Variants in EXOC6 observed in about 807,000 individuals in gnomAD.
EXOC6 encodes exocyst complex component 6.
A neutral mutation model predicts 112.5 loss-of-function variants in EXOC6; 60 were observed. That is an observed-to-expected ratio of 0.53 (90% confidence interval 0.43 to 0.66). The LOEUF is 0.66. EXOC6 is among the 30% of genes least tolerant of loss of function. The pLI, the probability that EXOC6 is intolerant of heterozygous loss-of-function variation, is 0.00. For synonymous variants in EXOC6, 295 were observed against 308.0 expected (o/e 0.96, Z 0.44); for missense variants, 855 against 957.1 (o/e 0.89, Z 1.41).
chr10:92,829,362 T>A (rs1474199046), intron 1 of EXOC6, among the ~76,000 whole-genome samples: 1 of 152,076 alleles, frequency 6.6e-6, no homozygotes, highest in Non-Finnish European at 1.5e-5. Context: ...CGGGCGCCCC[T>A]CTCTCTCTCA....
chr10:93,057,031 G>A lies in EXOC6; in HGVS notation c.2277G>A (p.Leu759=), dbSNP rs1846574455. ...RVNPNTALTL[L]EKMKDTSKKN... ...ATCCAAACACAGCCCTTACTCTTTT[G>A]GAGAAGTGAGTATATTCTGAAACTT... The change falls in exon 21 of 22, where the codon TTG becomes TTA. Residue 759 remains leucine (L), a synonymous_variant. Coordinates refer to ENST00000260762, the MANE Select transcript of EXOC6 (RefSeq NM_019053.6). 2.0e-6 allele frequency: 3 copies of A among 1,534,758 alleles called. No individual in the cohort carries two copies. The Admixed American group carries it at 6.6e-5, about 34-fold the overall frequency.
At chr10:92,999,446 A>AGTT (rs1449767909) in intron 19 of EXOC6, 2 of 300,738 alleles carry the variant, frequency 6.7e-6, no homozygotes, top group African/African-American at 2.3e-5. Flanking sequence ...TTTCTTTAAA[A>AGTT]GTTGTCTTAT....
chr10:92,908,988 A>T (rs745661155), intron 5 of EXOC6, among the ~76,000 whole-genome samples: 3 of 152,056 alleles, frequency 2.0e-5, no homozygotes, highest in Non-Finnish European at 4.4e-5. Flanking sequence ...AAGTTAAATA[A>T]ATTTTATTTT....
chr10:92,875,037 T>C (rs1004671384), intron 1 of EXOC6, among the ~76,000 whole-genome samples: 1 of 151,866 alleles, frequency 6.6e-6, no homozygotes, highest in African/African-American at 2.4e-5. Context: ...GTAGGTATTA[T>C]AGCTGTGTTT....
At chr10:93,049,283 G>A (rs147027682) in intron 20 of EXOC6, among the ~76,000 whole-genome samples, 100 of 152,022 alleles carry the variant, frequency 6.6e-4, no homozygotes, top group Admixed American at 1.2e-3. Context: ...GGATGGTCTC[G>A]ATCTCCTGTC....
intron 17 of EXOC6, among the ~76,000 whole-genome samples, chr10:92,973,097 CT>C (rs1842363552): frequency 6.6e-6 from 1 of 152,166 alleles, no homozygotes; most frequent in Non-Finnish European, 1.5e-5. Context: ...GGGGAAAAGG[CT>C]TTTTGTACTA....
intron 20 of EXOC6, among the ~76,000 whole-genome samples, chr10:93,016,139 GTTTA>G (rs906518924): frequency 2.2e-4 from 34 of 151,830 alleles, no homozygotes; most frequent in African/African-American, 8.2e-4. Flanking sequence ...ATATTTATTT[GTTTA>G]TTTATTTATG....
intron 15 of EXOC6, among the ~76,000 whole-genome samples, chr10:92,954,307 A>G (rs1853574818): frequency 6.6e-6 from 1 of 152,116 alleles, no homozygotes; most frequent in Admixed American, 6.5e-5. Flanking sequence ...TAATAAAACA[A>G]CAAAGTTACT....
At chr10:92,993,051 C>T (rs777064192) in intron 18 of EXOC6, among the ~76,000 whole-genome samples, 4 of 151,764 alleles carry the variant, frequency 2.6e-5, no homozygotes, top group South Asian at 4.1e-4. Flanking sequence ...TATTTTACTG[C>T]GTTAATTTAG....
intron 19 of EXOC6, among the ~76,000 whole-genome samples, chr10:93,006,486 A>G (rs141299018): frequency 1.2e-3 from 176 of 152,332 alleles, no homozygotes; most frequent in African/African-American, 4.1e-3. Context: ...ACTACTTTAT[A>G]TAAAAATGAG....
At chr10:93,016,101 C>G (rs759875443) in intron 20 of EXOC6, among the ~76,000 whole-genome samples, 1 of 152,070 alleles carries the variant, frequency 6.6e-6, no homozygotes, top group Non-Finnish European at 1.5e-5. Context: ...AAGTAAATGA[C>G]TATTATTTTA....
At chr10:92,976,054 G>T (rs1432091130) in intron 18 of EXOC6, among the ~76,000 whole-genome samples, 19 of 143,792 alleles carry the variant, frequency 1.3e-4, no homozygotes, top group Non-Finnish European at 2.3e-4. Context: ...GTGGGGGGGG[G>T]GGTCAGCCCC....
chr10:92,948,503 G>A (rs1853172405), intron 14 of EXOC6, 124 bp downstream of exon 14: 4 of 575,734 alleles, frequency 6.9e-6, no homozygotes, highest in Non-Finnish European at 1.2e-5. Context: ...GCAACTTTTT[G>A]TTGTATTGAG....
upstream of EXOC6, chr10:92,831,322 T>G (rs754258449): frequency 7.8e-7 from 1 of 1,288,868 alleles, no homozygotes; most frequent in East Asian, 5.5e-5. Flanking sequence ...AGAGGATGAA[T>G]GTGCTGTGTA....
At chr10:92,979,764 A>G (rs1323590931) in intron 18 of EXOC6, among the ~76,000 whole-genome samples, 6 of 151,738 alleles carry the variant, frequency 4.0e-5, no homozygotes, top group Non-Finnish European at 2.9e-5. Flanking sequence ...CCTCATCTCT[A>G]CAAAAAATTA....
At chr10:92,993,079 T>C (rs1056628864) in intron 18 of EXOC6, among the ~76,000 whole-genome samples, 1 of 152,094 alleles carries the variant, frequency 6.6e-6, no homozygotes, top group African/African-American at 2.4e-5. Context: ...TAAAAAGCCA[T>C]ACAGAATCAG....
At chr10:92,851,909 A>C (rs1218106266) in intron 1 of EXOC6, among the ~76,000 whole-genome samples, 1 of 152,074 alleles carries the variant, frequency 6.6e-6, no homozygotes, top group Non-Finnish European at 1.5e-5. Context: ...TGTCTCTACA[A>C]ATACAAAAAT....
At chr10:93,023,206 C>G (rs554272113) in intron 20 of EXOC6, among the ~76,000 whole-genome samples, 1 of 151,936 alleles carries the variant, frequency 6.6e-6, no homozygotes, top group Non-Finnish European at 1.5e-5. Flanking sequence ...CCTGCCCACC[C>G]GGACTTTGCC....
chr10:92,850,464 G>A (rs1466492457), intron 1 of EXOC6, among the ~76,000 whole-genome samples: 1 of 152,096 alleles, frequency 6.6e-6, no homozygotes, highest in African/African-American at 2.4e-5. Context: ...AGAGGGTACT[G>A]CTAGCAGTCT....
Sources: gnomAD v4.1 joint callset for allele counts (sites outside exome capture counted in the v4.1 genomes callset) on GRCh38, gnomAD v4.1.1 for gene constraint, MANE v1.5 for transcripts, NCBI Gene and HGNC (gene_info 2026-07-23, HGNC 2026-07-21) for gene names.